Variants in CSRP3 observed in about 807,000 individuals in gnomAD.
The protein encoded by CSRP3 is cysteine and glycine rich protein 3, also known as cysteine and glycine-rich protein 3.
In CSRP3, 24 loss-of-function variants were observed where a neutral mutation model predicts 24.3. The observed-to-expected ratio is 0.99, with a 90% CI of 0.71 to 1.39. The LOEUF (loss-of-function observed/expected upper bound fraction) is 1.39. CSRP3 is among the 40% of genes most tolerant of loss of function. CSRP3 has a pLI of 0.00. For synonymous variants in CSRP3, 105 were observed against 94.0 expected (o/e 1.12, Z -0.68); for missense variants, 240 against 249.0 (o/e 0.96, Z 0.24).
intron 5 of CSRP3, 104 bp from the exon 6 acceptor site, chr11:19,182,850 C>A (rs1004301281): frequency 1.2e-6 from 1 of 864,666 alleles, no homozygotes. Flanking sequence ...TAGAGACATC[C>A]TTTTGATAGA....
chr11:19,189,385 T>G (rs1049166783), intron 2 of CSRP3, among the ~76,000 whole-genome samples: 39 of 152,236 alleles, frequency 2.6e-4, no homozygotes, highest in African/African-American at 8.2e-4. Context: ...ATGTAATGAC[T>G]TGCTACATTG....
intron 1 of CSRP3, among the ~76,000 whole-genome samples, chr11:19,197,551 CTT>C (rs1850757626): frequency 7.7e-6 from 1 of 130,238 alleles, no homozygotes; most frequent in African/African-American, 3.0e-5. Flanking sequence ...TTCTTTCTTT[CTT>C]TCTTTCTTTC....
intron 1 of CSRP3, 94 bp from the exon 2 acceptor site, chr11:19,192,570 C>T: frequency 3.8e-6 from 3 of 779,904 alleles, no homozygotes; most frequent in Non-Finnish European, 6.7e-6. Flanking sequence ...AGGATCCAGC[C>T]CAATTTTTTT....
chr11:19,197,504 T>TTTCGTTCTTTCC (rs1213063788), intron 1 of CSRP3, among the ~76,000 whole-genome samples: 954 of 58,050 alleles, frequency 0.016, 18 homozygotes, highest in African/African-American at 0.036. Flanking sequence ...TCTTTTCCTC[T>TTTCGTTCTTTCC]TTCTTTCTTT....
At chr11:19,200,778 T>C (rs1015884993) in intron 1 of CSRP3, among the ~76,000 whole-genome samples, 1 of 152,222 alleles carries the variant, frequency 6.6e-6, no homozygotes, top group African/African-American at 2.4e-5. Context: ...ATGAATTGTA[T>C]GTACCCAGCA....
Position 19,192,319 on chromosome 11 carries a change from G to A in CSRP3, c.112+18C>T. 6.3e-7 allele frequency: 1 copy of A among 1,592,842 alleles called. No individual in the cohort carries two copies. ...TGTCCGGATGCTGAGGGGCCCCCAG[G>A]GTGTCCACCCAACTCACTGCAGTGG... On this transcript the variant is annotated intron_variant, in intron 2 of 5. Coordinates refer to ENST00000265968, the MANE Select transcript of CSRP3 (RefSeq NM_003476.5).
chr11:19,186,743 G>A (rs140686529), intron 3 of CSRP3, among the ~76,000 whole-genome samples: 112 of 152,330 alleles, frequency 7.4e-4, no homozygotes, highest in Admixed American at 1.0e-3. Context: ...TTTCTAAAGA[G>A]AGTTGTGAAA....
At chr11:19,196,168 C>T (rs1367673158) in intron 1 of CSRP3, among the ~76,000 whole-genome samples, 1 of 152,152 alleles carries the variant, frequency 6.6e-6, no homozygotes, top group East Asian at 1.9e-4. Context: ...GAGACTGAGG[C>T]AGGAGAATCA....
intron 1 of CSRP3, among the ~76,000 whole-genome samples, chr11:19,200,909 A>G (rs1240279346): frequency 3.3e-5 from 5 of 152,132 alleles, no homozygotes; most frequent in Non-Finnish European, 5.9e-5. Flanking sequence ...CAGCCCTGAC[A>G]TAGGAGATGG....
At chr11:19,189,737 T>C (rs563468317) in intron 2 of CSRP3, among the ~76,000 whole-genome samples, 5 of 152,318 alleles carry the variant, frequency 3.3e-5, no homozygotes, top group East Asian at 1.9e-4. Context: ...TCTGTCAACA[T>C]TGTATGTGTT....
intron 2 of CSRP3, among the ~76,000 whole-genome samples, chr11:19,190,837 A>G (rs958065741): frequency 6.6e-6 from 1 of 152,218 alleles, no homozygotes; most frequent in African/African-American, 2.4e-5. Flanking sequence ...TGCTGCTCAA[A>G]TCCTCATCCC....
At chr11:19,184,803 G>A (rs1398448318) in intron 5 of CSRP3, 149 bp downstream of exon 5, 2 of 711,414 alleles carry the variant, frequency 2.8e-6, no homozygotes, top group South Asian at 1.5e-5. Context: ...CCCTTAGGTG[G>A]TTTTGCTCCT....
intron 1 of CSRP3, among the ~76,000 whole-genome samples, chr11:19,200,565 CG>C (rs1850821732): frequency 1.3e-5 from 2 of 152,096 alleles, no homozygotes; most frequent in Non-Finnish European, 2.9e-5. Flanking sequence ...ATGGATGACA[CG>C]TGTGTCTGGG....
Position 19,188,152 on chromosome 11 carries a change from C to T in CSRP3, c.265G>A (p.Gly89Ser), listed in dbSNP as rs367827746. ...CLSTDTGEHL[G>S]LQFQQSPKPA... is the part of the protein sequence containing the mutation. ...GTAACTCACTGTTGGAACTGCAGGC[C>T]GAGATGCTCGCCCGTGTCTGTGCTG... The change falls in exon 3 of 6, where the codon GGC becomes AGC. Residue 89 changes from glycine (G) to serine (S), a missense_variant. By Grantham distance (56) the Gly-to-Ser change is moderately conservative (BLOSUM62 0). Transcript: ENST00000265968. The T allele has an allele frequency of 1.4e-5, 22 of 1,614,002 alleles. No individual in the cohort carries two copies. The highest frequency in any genetic ancestry group is 1.1e-4 in the African/African-American group (8 of 74,916).
chr11:19,187,906 A>G (rs1378236549), intron 3 of CSRP3, among the ~76,000 whole-genome samples: 3 of 152,230 alleles, frequency 2.0e-5, no homozygotes, highest in African/African-American at 7.2e-5. Context: ...ATGCAAACCA[A>G]GAGCCATGGT....
intron 1 of CSRP3, among the ~76,000 whole-genome samples, chr11:19,194,022 A>G (rs74756565): frequency 1.3e-5 from 2 of 152,124 alleles, no homozygotes; most frequent in Admixed American, 6.5e-5. Flanking sequence ...GTGTCATGAC[A>G]TGGAGCACTA....
chr11:19,195,441 C>A (rs1465529519), intron 1 of CSRP3, among the ~76,000 whole-genome samples: 3 of 152,176 alleles, frequency 2.0e-5, no homozygotes, highest in Non-Finnish European at 4.4e-5. Context: ...AAAGAATAGA[C>A]TCACATAATT....
chr11:19,192,541 G>C, intron 1 of CSRP3, 65 bp from the exon 2 acceptor site: 1 of 1,000,730 alleles, frequency 1.0e-6, no homozygotes, highest in Non-Finnish European at 1.6e-6. Flanking sequence ...ATCTCTAAGA[G>C]TGCAGTGGTC....
intron 5 of CSRP3, 81 bp from the exon 6 acceptor site, chr11:19,182,827 T>G: frequency 1.0e-6 from 1 of 972,188 alleles, no homozygotes; most frequent in East Asian, 2.4e-5. Context: ...CTGAGCACAG[T>G]CCTTTTAATT....
Sources: gnomAD v4.1 joint callset for allele counts (sites outside exome capture counted in the v4.1 genomes callset) on GRCh38, gnomAD v4.1.1 for gene constraint, MANE v1.5 for transcripts, NCBI Gene and HGNC (gene_info 2026-07-23, HGNC 2026-07-21) for gene names.